COL21A1: variants seen among roughly 807,000 people sequenced by gnomAD.
The protein encoded by COL21A1 is collagen alpha-1(XXI) chain.
Under a neutral mutation model 137.9 loss-of-function variants are expected in COL21A1, and 149 were observed. That is an observed-to-expected ratio of 1.08 (90% CI 0.95 to 1.24). COL21A1 has a LOEUF of 1.24. Ranked by LOEUF, COL21A1 falls within the 50% of genes most tolerant of loss-of-function variation. The pLI is 0.00. For missense variants in COL21A1, 1,167 were observed against 1,158.4 expected (o/e 1.01, Z -0.11); for synonymous variants, 456 against 391.5 (o/e 1.16, Z -1.95).
chr6:56,316,266 T>C (rs2152340534), intron 1 of COL21A1, among the ~76,000 whole-genome samples: 1 of 152,264 alleles, frequency 6.6e-6, no homozygotes, highest in Admixed American at 6.6e-5. Flanking sequence ...GTATGCAATA[T>C]ATTGTTTTTA....
intron 12 of COL21A1, among the ~76,000 whole-genome samples, chr6:56,139,346 A>G (rs1037705544): frequency 6.6e-6 from 1 of 152,164 alleles, no homozygotes; most frequent in African/African-American, 2.4e-5. Flanking sequence ...TCCACTTTCC[A>G]GATGATAAAA....
intron 1 of COL21A1, among the ~76,000 whole-genome samples, chr6:56,386,669 A>G (rs963038857): frequency 1.9e-4 from 29 of 151,862 alleles, no homozygotes; most frequent in Non-Finnish European, 3.4e-4. Context: ...TTTGATTTGC[A>G]TTTCCCTAGT....
At chr6:56,340,915 C>A (rs181310569) in intron 1 of COL21A1, among the ~76,000 whole-genome samples, 87 of 152,282 alleles carry the variant, frequency 5.7e-4, no homozygotes, top group African/African-American at 2.1e-3. Flanking sequence ...AGAAATCAGA[C>A]CCCTTTGTTG....
intron 1 of COL21A1, among the ~76,000 whole-genome samples, chr6:56,313,718 A>T (rs1437876058): frequency 6.6e-6 from 1 of 152,176 alleles, no homozygotes; most frequent in Non-Finnish European, 1.5e-5. Context: ...TTCAGTCCAT[A>T]GCATAGCCAT....
chr6:56,100,066 G>A (rs1424606754), intron 17 of COL21A1, among the ~76,000 whole-genome samples: 1 of 152,188 alleles, frequency 6.6e-6, no homozygotes, highest in Admixed American at 6.5e-5. Flanking sequence ...TTGCAGTCAA[G>A]GTTCTCCATT....
intron 1 of COL21A1, among the ~76,000 whole-genome samples, chr6:56,296,892 A>G (rs1180282803): frequency 1.3e-5 from 2 of 152,040 alleles, no homozygotes; most frequent in East Asian, 1.9e-4. Context: ...ATGGGTTTCC[A>G]ATATGATTTT....
intron 1 of COL21A1, among the ~76,000 whole-genome samples, chr6:56,317,485 A>T (rs1764764611): frequency 6.6e-6 from 1 of 151,716 alleles, no homozygotes; most frequent in South Asian, 2.1e-4. Flanking sequence ...TTCACTTGTT[A>T]CTCCTCTCAT....
chr6:56,103,092 G>C (rs1770593465), intron 16 of COL21A1, among the ~76,000 whole-genome samples: 1 of 152,152 alleles, frequency 6.6e-6, no homozygotes, highest in Non-Finnish European at 1.5e-5. Context: ...ATAGTCAGAA[G>C]GAATCTCTCC....
At chr6:56,307,921 G>A (rs540567256) in intron 1 of COL21A1, among the ~76,000 whole-genome samples, 48 of 152,288 alleles carry the variant, frequency 3.2e-4, no homozygotes, top group African/African-American at 1.2e-3. Context: ...TAGCCAAGAT[G>A]TGCAAACAAC....
At chr6:56,347,552 C>A in intron 1 of COL21A1, among the ~76,000 whole-genome samples, 1 of 147,540 alleles carries the variant, frequency 6.8e-6, no homozygotes, top group East Asian at 2.0e-4. Context: ...AGCAGTATTA[C>A]CTGAACTACA....
intron 1 of COL21A1, among the ~76,000 whole-genome samples, chr6:56,229,808 T>C (rs1389159741): frequency 6.6e-6 from 1 of 151,982 alleles, no homozygotes; most frequent in Non-Finnish European, 1.5e-5. Flanking sequence ...AATCTGACTG[T>C]GTACCTGAAA....
At chr6:56,082,367 G>T (rs1470909393) in intron 17 of COL21A1, among the ~76,000 whole-genome samples, 1 of 151,920 alleles carries the variant, frequency 6.6e-6, no homozygotes, top group Non-Finnish European at 1.5e-5. Context: ...ATAGACATAT[G>T]TAAAACTTAA....
intron 1 of COL21A1, among the ~76,000 whole-genome samples, chr6:56,315,362 G>A (rs1037469591): frequency 1.3e-5 from 2 of 152,100 alleles, no homozygotes; most frequent in African/African-American, 4.8e-5. Context: ...CTACAAACAC[G>A]GCCAAGGATG....
chr6:56,295,675 C>G (rs1242906368), intron 1 of COL21A1, among the ~76,000 whole-genome samples: 1 of 151,504 alleles, frequency 6.6e-6, no homozygotes, highest in East Asian at 1.9e-4. Flanking sequence ...AAATTTATAC[C>G]TGTTTATTTC....
chr6:56,277,295 T>C (rs1328902223), intron 1 of COL21A1, among the ~76,000 whole-genome samples: 1 of 152,062 alleles, frequency 6.6e-6, no homozygotes, highest in African/African-American at 2.4e-5. Context: ...CCCTCCCCAC[T>C]CCCCTCAACC....
chr6:56,087,414 G>T (rs529337805), intron 17 of COL21A1, among the ~76,000 whole-genome samples: 1 of 152,278 alleles, frequency 6.6e-6, no homozygotes, highest in South Asian at 2.1e-4. Flanking sequence ...GGGGCAAGTA[G>T]ACCATTCAGA....
intron 17 of COL21A1, among the ~76,000 whole-genome samples, chr6:56,098,542 T>C (rs1769969822): frequency 6.4e-5 from 2 of 31,230 alleles, no homozygotes; most frequent in South Asian, 2.3e-3. Flanking sequence ...TATATATAAA[T>C]ATATAAATAT....
At position 56,219,283 on chromosome 6, in the gene COL21A1, T is replaced by C. The variant is rs578147228; in HGVS notation, c.-39+28104A>G. Among the ~76,000 whole-genome samples, 5 of 140,486 alleles carry C rather than the reference T, an allele frequency of 3.6e-5. No individual in the cohort carries two copies. In the South Asian group the frequency reaches 1.0e-3, roughly 28 times the overall value. 92.2% of individuals were successfully genotyped at this position (140,486 alleles called of 152,430 possible). A position where few individuals can be genotyped will look rare whatever the true frequency, so the allele number is the denominator to read the frequency against. On this transcript the variant is annotated intron_variant, in intron 1 of 29. Transcript: ENST00000244728. ...GTGGTCTGCTGTCGGTCTAATCCAC[T>C]ACACCACTACAGCTTTCTGAATCCC... is the stretch of plus-strand genomic sequence containing the variant.
intron 15 of COL21A1, 27 bp downstream of exon 15, chr6:56,124,212 C>T (rs1301126788): frequency 1.3e-6 from 2 of 1,574,928 alleles, no homozygotes; most frequent in Admixed American, 1.8e-5. Flanking sequence ...AAGCAAAATA[C>T]TAAGAGCTTT....
Sources: gnomAD v4.1 joint callset for allele counts (sites outside exome capture counted in the v4.1 genomes callset) on GRCh38, gnomAD v4.1.1 for gene constraint, MANE v1.5 for transcripts, NCBI Gene and HGNC (gene_info 2026-07-23, HGNC 2026-07-21) for gene names.